The following CNTN4 variants were observed in gnomAD, a reference collection of about 807,000 sequenced individuals.
CNTN4 encodes contactin 4.
In CNTN4, 77 loss-of-function variants were observed where a neutral mutation model predicts 122.5. The ratio of observed to expected loss-of-function variants is 0.63; its 90% CI spans 0.52 to 0.76. CNTN4 has a LOEUF of 0.76. Among genes scored for constraint, CNTN4 ranks in the 30% least tolerant of loss-of-function variants. CNTN4 has a pLI of 0.00. For synonymous variants in CNTN4, 512 were observed against 447.0 expected (o/e 1.15, Z -1.83); for missense variants, 1,256 against 1,259.1 (o/e 1.00, Z 0.04).
At chr3:2,658,251 C>G (rs1357627897) in intron 4 of CNTN4, among the ~76,000 whole-genome samples, 1 of 151,528 alleles carries the variant, frequency 6.6e-6, no homozygotes. Context: ...GGGAAGTGCT[C>G]TGTCAGGGAC....
At chr3:2,521,083 T>G (rs551497693) in intron 3 of CNTN4, among the ~76,000 whole-genome samples, 3 of 152,246 alleles carry the variant, frequency 2.0e-5, no homozygotes, top group Admixed American at 2.0e-4. Flanking sequence ...CACTACTTCT[T>G]CTTGCTCTGT....
At chr3:2,275,249 A>T (rs1021052617) in intron 2 of CNTN4, among the ~76,000 whole-genome samples, 3 of 152,180 alleles carry the variant, frequency 2.0e-5, no homozygotes, top group Non-Finnish European at 4.4e-5. Flanking sequence ...CACTCTTTTC[A>T]TGTGGACTTT....
intron 7 of CNTN4, among the ~76,000 whole-genome samples, chr3:2,843,246 T>C (rs2150542096): frequency 6.6e-6 from 1 of 151,430 alleles, no homozygotes; most frequent in Non-Finnish European, 1.5e-5. Context: ...GTGATAGTCT[T>C]TATTTATTTA....
chr3:2,688,608 C>T lies in CNTN4; in HGVS notation c.56-47607C>T, dbSNP rs187365588. Reference sequence around the variant, plus strand: ...TAACTTGAGCCCACACTTATTAACACAGCATATCAGTGCAGACAGCTTGAT... The same window carrying T: ...TAACTTGAGCCCACACTTATTAACATAGCATATCAGTGCAGACAGCTTGAT... On this transcript the variant is annotated intron_variant, in intron 4 of 24. Transcript: ENST00000418658. Among the ~76,000 whole-genome samples the T allele has an allele frequency of 3.5e-3, 538 of 152,306 alleles. 3 individuals are homozygous for T. Among genetic ancestry groups the T allele is most frequent in the Non-Finnish European group, 4.6e-3 (313 of 68,024 alleles).
intron 4 of CNTN4, among the ~76,000 whole-genome samples, chr3:2,594,619 A>G (rs1017983483): frequency 2.7e-5 from 4 of 150,448 alleles, no homozygotes; most frequent in East Asian, 2.0e-4. Flanking sequence ...ACGGGGTTTC[A>G]CCATGTTGGC....
chr3:2,542,911 T>C (rs1467126284), intron 3 of CNTN4, among the ~76,000 whole-genome samples: 1 of 152,136 alleles, frequency 6.6e-6, no homozygotes, highest in Non-Finnish European at 1.5e-5. Flanking sequence ...GTTGTATTCA[T>C]GATGGCCTTG....
chr3:2,849,980 C>T (rs546931123), intron 7 of CNTN4, among the ~76,000 whole-genome samples: 2 of 149,404 alleles, frequency 1.3e-5, no homozygotes, highest in Non-Finnish European at 3.0e-5. Context: ...AAAATGTTAG[C>T]AATCACTTTT....
chr3:2,980,522 T>C (rs1160219813), intron 13 of CNTN4, among the ~76,000 whole-genome samples: 4 of 152,198 alleles, frequency 2.6e-5, no homozygotes, highest in African/African-American at 9.7e-5. Flanking sequence ...GAAACCAAGA[T>C]GAGATGGACC....
At chr3:2,336,909 T>C (rs916354210) in intron 2 of CNTN4, among the ~76,000 whole-genome samples, 1 of 152,148 alleles carries the variant, frequency 6.6e-6, no homozygotes, top group Non-Finnish European at 1.5e-5. Flanking sequence ...AACTCTCAAG[T>C]GTTGCAATTC....
chr3:3,040,099 CG>C lies in CNTN4; in HGVS notation c.2228del (p.Gly743ValfsTer3), dbSNP rs775466411. On this transcript the variant is annotated frameshift_variant, in exon 20 of 25. Transcript: ENST00000418658. LOFTEE classifies it high-confidence loss of function. ...FGYVVAFRPY[G>X]KMIWMLTVLA... ...GTTATGTGGTGGCCTTCCGGCCCTA[CG>C]GTAAAATGATCTGGATGCTGACAGT... 3.1e-6 allele frequency: 5 copies of C among 1,614,046 alleles called. No individual in the cohort carries two copies. Among genetic ancestry groups the C allele is most frequent in the Non-Finnish European group, 4.2e-6 (5 of 1,179,982 alleles).
intron 4 of CNTN4, among the ~76,000 whole-genome samples, chr3:2,674,899 C>A (rs1293430801): frequency 6.6e-6 from 1 of 152,302 alleles, no homozygotes; most frequent in South Asian, 2.1e-4. Flanking sequence ...CTATAGTTCC[C>A]AGCCTCTAGT....
At chr3:2,150,962 C>T (rs1401582946) in intron 2 of CNTN4, among the ~76,000 whole-genome samples, 6 of 151,936 alleles carry the variant, frequency 3.9e-5, no homozygotes, top group Admixed American at 1.3e-4. Flanking sequence ...ACTGGTCCAC[C>T]GGGAACTATC....
intron 3 of CNTN4, among the ~76,000 whole-genome samples, chr3:2,425,568 C>T (rs1311907593): frequency 6.6e-6 from 1 of 152,014 alleles, no homozygotes; most frequent in South Asian, 2.1e-4. Flanking sequence ...TTTTTTGGTT[C>T]CATATGAACT....
At chr3:2,448,396 T>C (rs548932239) in intron 3 of CNTN4, among the ~76,000 whole-genome samples, 4 of 152,286 alleles carry the variant, frequency 2.6e-5, no homozygotes, top group South Asian at 4.1e-4. Flanking sequence ...TATCAAGTCA[T>C]TGGGACACTA....
At chr3:2,748,987 A>G (rs1041414545) in intron 6 of CNTN4, among the ~76,000 whole-genome samples, 3 of 152,158 alleles carry the variant, frequency 2.0e-5, no homozygotes, top group South Asian at 2.1e-4. Context: ...TCTTTCACAC[A>G]GCTGACTTCT....
At chr3:2,641,559 G>A (rs1424624273) in intron 4 of CNTN4, among the ~76,000 whole-genome samples, 2 of 152,094 alleles carry the variant, frequency 1.3e-5, no homozygotes, top group African/African-American at 4.8e-5. Flanking sequence ...AACATTTTCT[G>A]TCTTATTGTC....
In CNTN4 at chr3:2,132,360, C is replaced by T. The variant is rs148729702; in HGVS notation, c.-145+31721C>T. On this transcript the variant is annotated intron_variant, in intron 2 of 24. Coordinates refer to ENST00000418658, the MANE Select transcript of CNTN4 (RefSeq NM_175607.3). ...TGCCCAGCTGAGCCCAGACCACTCA[C>T]AGAAACACGAGGGGCAATAATCCAC... 1.3e-5 allele frequency: 2 copies of T among 152,194 alleles called. No individual in the cohort carries two copies. The highest frequency in any genetic ancestry group is 2.9e-5 in the Non-Finnish European group (2 of 68,058). 9.4% of individuals were successfully genotyped at this position (152,194 alleles called of 1,614,324 possible).
chr3:2,104,085 G>A (rs1435482925), intron 2 of CNTN4, among the ~76,000 whole-genome samples: 1 of 152,098 alleles, frequency 6.6e-6, no homozygotes, highest in Admixed American at 6.6e-5. Context: ...CATAAATACT[G>A]TATACCTACC....
At chr3:2,864,375 C>T (rs975908441) in intron 7 of CNTN4, among the ~76,000 whole-genome samples, 6 of 151,960 alleles carry the variant, frequency 3.9e-5, no homozygotes, top group Admixed American at 2.6e-4. Context: ...ATGAGCCTCC[C>T]GCAGAATTCA....
Sources: gnomAD v4.1 joint callset for allele counts (sites outside exome capture counted in the v4.1 genomes callset) on GRCh38, gnomAD v4.1.1 for gene constraint, MANE v1.5 for transcripts, NCBI Gene and HGNC (gene_info 2026-07-23, HGNC 2026-07-21) for gene names.